The following STK10 variants were observed in gnomAD, a reference collection of about 807,000 sequenced individuals.
The protein encoded by STK10 is serine/threonine-protein kinase 10.
STK10 carries 78 observed loss-of-function variants against 113.8 expected under a neutral mutation model. That is an observed-to-expected ratio of 0.69 (90% CI 0.57 to 0.83). The LOEUF (loss-of-function observed/expected upper bound fraction) is 0.83, where lower values mean the gene tolerates loss of function less well. Among genes scored for constraint, STK10 ranks in the 40% least tolerant of loss-of-function variants. STK10 has a pLI of 0.00. For missense variants in STK10, 1,109 were observed against 1,280.1 expected, an observed-to-expected ratio of 0.87 and a Z score of 2.04; for synonymous variants, 465 against 494.7, an observed-to-expected ratio of 0.94 and a Z score of 0.80.
rs778841900 is a variant in STK10 at position 172,090,291 on chromosome 5, G to A, written c.1626C>T (p.Ile542=). ...CTTCGCTGATGATCTTGGAGGTGGT[G>A]ATGCTCACCTCCACACCATCCACCA... is the stretch of plus-strand genomic sequence containing the variant. ...KFVVDGVEVS[I]TTSKIISEDE... The change falls in exon 10 of 19, where the codon ATC becomes ATT. Residue 542 remains isoleucine, a synonymous_variant. Transcript: ENST00000176763. 1.2e-6 allele frequency: 2 copies of A among 1,613,972 alleles called. No homozygotes were observed. The highest frequency in any genetic ancestry group is 1.7e-5 in the Admixed American group (1 of 59,982).
intron 5 of STK10, 191 bp from the exon 6 acceptor site, chr5:172,107,005 C>A: frequency 1.9e-6 from 1 of 532,568 alleles, no homozygotes; most frequent in Non-Finnish European, 3.2e-6. Context: ...CCACGCGGCT[C>A]CCCGCCACGT....
intron 7 of STK10, among the ~76,000 whole-genome samples, chr5:172,102,331 T>C (rs1034687258): frequency 5.9e-5 from 9 of 152,004 alleles, no homozygotes; most frequent in Non-Finnish European, 8.8e-5. Flanking sequence ...CCTGAGCCAC[T>C]GGAAGGGTGG....
At chr5:172,050,314 T>C (rs1423713527) in intron 18 of STK10, among the ~76,000 whole-genome samples, 2 of 152,164 alleles carry the variant, frequency 1.3e-5, no homozygotes, top group Non-Finnish European at 2.9e-5. Flanking sequence ...GATCCTGTTC[T>C]TGTGCCTGGT....
At chr5:172,165,728 T>C (rs1179740124) in intron 1 of STK10, among the ~76,000 whole-genome samples, 2 of 152,140 alleles carry the variant, frequency 1.3e-5, no homozygotes, top group African/African-American at 4.8e-5. Context: ...TGCCTGGGCA[T>C]GGTCCCAAGG....
chr5:172,108,173 T>C (rs1387453728), intron 4 of STK10: 2 of 206,200 alleles, frequency 9.7e-6, no homozygotes, highest in African/African-American at 2.3e-5. Flanking sequence ...AATGAAACAG[T>C]CTTAAATTTA....
At position 172,106,686 on chromosome 5, in the gene STK10, T is replaced by C; in HGVS notation, c.722A>G (p.Asn241Ser). ...AQIEPPHHEL[N>S]PMRVLLKIAK... ...GATCTTTAGCAGGACCCGCATGGGGTTGAGCTCGTGGTGTGGCGGCTCGAT... is the reference window on the plus strand; with the variant it reads ...GATCTTTAGCAGGACCCGCATGGGGCTGAGCTCGTGGTGTGGCGGCTCGAT... The change falls in exon 6 of 19, where the codon AAC (asparagine) becomes AGC (serine). Residue 241 changes from asparagine (N) to serine (S), a missense_variant. Transcript: ENST00000176763. 6.2e-7 allele frequency: 1 copy of C among 1,613,908 alleles called. No individual in the cohort carries two copies. The highest frequency in any genetic ancestry group is 1.1e-5 in the South Asian group (1 of 91,062).
At position 172,156,808 on chromosome 5, in the gene STK10, G is replaced by A. The variant is rs1483062506; in HGVS notation, c.157-20C>T. The A allele has an allele frequency of 1.2e-6, 2 of 1,603,984 alleles. No homozygotes were observed. Among genetic ancestry groups the A allele is most frequent in the Non-Finnish European group, 1.7e-6 (2 of 1,172,264 alleles). ...CTTGGCCTGCAAAGAGGAGATACAG[G>A]AGGTCAACAAGGCATGCTCCGCAGG... is the stretch of plus-strand genomic sequence containing the variant. On this transcript the variant is annotated intron_variant, in intron 1 of 18. Coordinates refer to ENST00000176763, the MANE Select transcript of STK10 (RefSeq NM_005990.4).
intron 10 of STK10, among the ~76,000 whole-genome samples, chr5:172,085,654 A>C (rs1420747418): frequency 6.6e-6 from 1 of 150,690 alleles, no homozygotes; most frequent in African/African-American, 2.4e-5. Context: ...ACACCACTGC[A>C]CTCCAGCCTG....
chr5:172,054,706 A>G lies in STK10; in HGVS notation c.2527-12T>C. On this transcript the variant is annotated splice_polypyrimidine_tract_variant and intron_variant, in intron 16 of 18. Coordinates refer to ENST00000176763, the MANE Select transcript of STK10 (RefSeq NM_005990.4). ...TCCTGCTGGGAGAACTGCACCAGAG[A>G]GAGGGTGGGTGCCTCAGGGGACCAG... 1.2e-6 allele frequency: 2 copies of G among 1,607,676 alleles called. No individual in the cohort carries two copies. Among genetic ancestry groups the G allele is most frequent in the Non-Finnish European group, 1.7e-6 (2 of 1,179,940 alleles).
rs1360809946 is a variant in STK10, at chr5:172,044,801, G to A, written c.*81C>T. 2 of 1,606,932 alleles carry A rather than the reference G, an allele frequency of 1.2e-6. No homozygotes were observed. Among genetic ancestry groups the A allele is most frequent in the East Asian group, 2.2e-5 (1 of 44,834 alleles). ...GGCACAGACGCAAGAGGGAAAAGGG[G>A]TCCTGAGTTACATGTTCACAGAGAA... On this transcript the variant is annotated 3_prime_UTR_variant, in exon 19 of 19. Coordinates refer to ENST00000176763, the MANE Select transcript of STK10 (RefSeq NM_005990.4). This position sits in a 1 kb window ranked among gnomAD's most constrained non-coding sequence, Gnocchi z 4.5.
chr5:172,086,542 C>A (rs1028186825), intron 10 of STK10, among the ~76,000 whole-genome samples: 1 of 152,178 alleles, frequency 6.6e-6, no homozygotes, highest in South Asian at 2.1e-4. Context: ...ACGGCAGAAG[C>A]CGTTTTAGGG....
intron 9 of STK10, among the ~76,000 whole-genome samples, chr5:172,092,091 C>T (rs73801848): frequency 0.021 from 3,209 of 152,324 alleles, 122 homozygotes; most frequent in African/African-American, 0.072. Flanking sequence ...CATCTCTCTA[C>T]GGTGACCAGC....
At chr5:172,165,062 G>T (rs966743255) in intron 1 of STK10, among the ~76,000 whole-genome samples, 1 of 152,224 alleles carries the variant, frequency 6.6e-6, no homozygotes, top group East Asian at 1.9e-4. Flanking sequence ...CCCAGCCGGG[G>T]ACACTGCTTC....
At chr5:172,046,882 T>C (rs944215894) in intron 18 of STK10, among the ~76,000 whole-genome samples, 3 of 152,158 alleles carry the variant, frequency 2.0e-5, no homozygotes, top group Admixed American at 6.5e-5. Context: ...ACACCTACTT[T>C]AAGGAAATAA....
rs57276469 is a variant in STK10 at position 172,057,004 on chromosome 5, GGAAAGAAAGAAA to G, written c.2337+333_2337+344del. On this transcript the variant is annotated intron_variant, in intron 15 of 18. Transcript: ENST00000176763. ...GAAAGAAAGAAAGAAAGAGAAAGAA[GGAAAGAAAGAAA>G]GAAAGAAAGAAAGAAAGAAAGAAAG... is the stretch of plus-strand genomic sequence containing the variant. 92 of 73,478 alleles carry G rather than the reference GGAAAGAAAGAAA, an allele frequency of 1.3e-3. No homozygotes were observed. In the East Asian group the frequency reaches 0.02, roughly 16 times the overall value. The allele number at this position is 73,478 out of a possible 1,614,324, so 4.6% of individuals were successfully genotyped here.
At chr5:172,103,571 G>A (rs80209774) in intron 7 of STK10, among the ~76,000 whole-genome samples, 15,061 of 151,984 alleles carry the variant, frequency 0.099, 858 homozygotes, top group Non-Finnish European at 0.12. Flanking sequence ...AGTGACAGCA[G>A]CCCCACTCGA....
At chr5:172,079,857 C>T (rs1321206508) in intron 12 of STK10, among the ~76,000 whole-genome samples, 3 of 152,128 alleles carry the variant, frequency 2.0e-5, no homozygotes, top group African/African-American at 7.2e-5. Context: ...CCATGGCACC[C>T]GGCTGCATTA....
chr5:172,108,088 G>A, intron 4 of STK10: 1 of 423,980 alleles, frequency 2.4e-6, no homozygotes, highest in Non-Finnish European at 4.2e-6. Flanking sequence ...AAAGCAATTT[G>A]GCAATAAATA....
chr5:172,047,830 C>T (rs1273709580), intron 18 of STK10, among the ~76,000 whole-genome samples: 1 of 151,622 alleles, frequency 6.6e-6, no homozygotes, highest in Non-Finnish European at 1.5e-5. Flanking sequence ...CTGGCAACTT[C>T]TGACATAACC....
Sources: gnomAD v4.1 joint callset for allele counts (sites outside exome capture counted in the v4.1 genomes callset) on GRCh38, gnomAD v4.1.1 for gene constraint, Gnocchi (gnomAD v3.1) non-coding constraint, MANE v1.5 for transcripts, NCBI Gene and HGNC (gene_info 2026-07-23, HGNC 2026-07-21) for gene names.